TXLNB: variants seen among roughly 807,000 people sequenced by gnomAD.
TXLNB encodes taxilin beta.
In TXLNB, 37 loss-of-function variants were observed where a neutral mutation model predicts 57.4. The observed-to-expected ratio is 0.64, with a 90% confidence interval of 0.50 to 0.85. TXLNB has a LOEUF of 0.85. Ranked by LOEUF, TXLNB falls within the 40% of genes least tolerant of loss-of-function variation. The pLI is 0.00. For missense variants in TXLNB, 848 were observed against 825.6 expected, an observed-to-expected ratio of 1.03 and a Z score of -0.33; for synonymous variants, 302 against 309.6, an observed-to-expected ratio of 0.98 and a Z score of 0.26.
chr6:139,321,789 G>A, the TXLNB span, among the ~76,000 whole-genome samples: 2 of 151,198 alleles, frequency 1.3e-5, no homozygotes, highest in Non-Finnish European at 2.9e-5. Context: ...CCACCACCAC[G>A]CCTGGCTAAT....
At chr6:139,292,760 A>T (rs1187985559), upstream of TXLNB, among the ~76,000 whole-genome samples, 1 of 152,138 alleles carries the variant, frequency 6.6e-6, no homozygotes, top group African/African-American at 2.4e-5. The surrounding 1 kb of genome is among the most constrained non-coding windows in gnomAD (Gnocchi z 4.0). Context: ...ATGCTCCTTG[A>T]TCCTCCTCAG....
chr6:139,200,387 T>C, the TXLNB span, among the ~76,000 whole-genome samples: 1 of 152,128 alleles, frequency 6.6e-6, no homozygotes, highest in Non-Finnish European at 1.5e-5. Flanking sequence ...AGAGTACCCA[T>C]AGGGTGAGAG....
At chr6:139,303,674 T>G in the TXLNB span, among the ~76,000 whole-genome samples, 5 of 151,536 alleles carry the variant, frequency 3.3e-5, no homozygotes, top group Non-Finnish European at 7.4e-5. Context: ...AGTATTCTTA[T>G]ATAAGAGAGA....
At chr6:139,300,547 G>A in the TXLNB span, among the ~76,000 whole-genome samples, 2 of 152,014 alleles carry the variant, frequency 1.3e-5, no homozygotes, top group South Asian at 2.1e-4. Flanking sequence ...TCTGCCTTTC[G>A]AAAGGCTTTC....
chr6:139,245,927 A>C (rs916874396), intron 8 of TXLNB, among the ~76,000 whole-genome samples: 1 of 152,134 alleles, frequency 6.6e-6, no homozygotes. Flanking sequence ...TCCTGACCTC[A>C]AGTGATCCAC....
the TXLNB span, among the ~76,000 whole-genome samples, chr6:139,321,672 C>T: frequency 2.3e-5 from 3 of 129,212 alleles, no homozygotes; most frequent in East Asian, 2.2e-4. Flanking sequence ...GAGTCTGTTG[C>T]CCAGGCTGGA....
chr6:139,257,202 T>A (rs1399773223), intron 6 of TXLNB, among the ~76,000 whole-genome samples: 1 of 152,188 alleles, frequency 6.6e-6, no homozygotes, highest in Non-Finnish European at 1.5e-5. Flanking sequence ...GGCTTGTGTG[T>A]GTGTGTGTTT....
the TXLNB span, among the ~76,000 whole-genome samples, chr6:139,225,948 T>G: frequency 6.6e-6 from 1 of 152,160 alleles, no homozygotes; most frequent in African/African-American, 2.4e-5. Flanking sequence ...TAATTAAAAT[T>G]ATGTGGTATT....
the TXLNB span, among the ~76,000 whole-genome samples, chr6:139,188,169 T>C: frequency 6.6e-6 from 1 of 152,152 alleles, no homozygotes; most frequent in African/African-American, 2.4e-5. Context: ...TTGCAGATCC[T>C]GTGTCATGGA....
chr6:139,233,865 T>G, the TXLNB span, among the ~76,000 whole-genome samples: 9 of 151,908 alleles, frequency 5.9e-5, no homozygotes, highest in Non-Finnish European at 1.0e-4. Context: ...CAGGCAGAGG[T>G]TGAAACAGTT....
At chr6:139,247,731 C>G (rs1776100752) in intron 8 of TXLNB, 86 bp downstream of exon 8, 3 of 925,566 alleles carry the variant, frequency 3.2e-6, no homozygotes, top group Non-Finnish European at 5.0e-6. Context: ...ACCAAAATAT[C>G]TTAGTGAGAG....
chr6:139,280,189 T>C (rs1172680055), intron 2 of TXLNB, among the ~76,000 whole-genome samples: 1 of 139,792 alleles, frequency 7.2e-6, no homozygotes, highest in Non-Finnish European at 1.5e-5. Flanking sequence ...GAGGCAGAAA[T>C]TGCAGTGAGC....
the TXLNB span, among the ~76,000 whole-genome samples, chr6:139,303,130 G>C: frequency 0.062 from 9,488 of 152,156 alleles, 363 homozygotes; most frequent in Admixed American, 0.086. Context: ...TAGTGTCATT[G>C]GTAATTAACT....
intron 2 of TXLNB, among the ~76,000 whole-genome samples, chr6:139,283,364 GT>G (rs1777099318): frequency 1.4e-5 from 2 of 143,918 alleles, no homozygotes; most frequent in South Asian, 4.7e-4. Flanking sequence ...ATCACCTGAG[GT>G]CGGGAGTTCA....
chr6:139,230,760 T>C, the TXLNB span, among the ~76,000 whole-genome samples: 3 of 152,218 alleles, frequency 2.0e-5, no homozygotes, highest in East Asian at 5.8e-4. Context: ...TGCCTGTTTG[T>C]TCAGAAGCCA....
At chr6:139,302,609 C>CCA in the TXLNB span, among the ~76,000 whole-genome samples, 11 of 118,128 alleles carry the variant, frequency 9.3e-5, 1 homozygote, top group Non-Finnish European at 1.8e-4. Context: ...ACTAAAAATA[C>CCA]AAAAAAAAAA....
the TXLNB span, among the ~76,000 whole-genome samples, chr6:139,316,509 C>G: frequency 6.6e-6 from 1 of 152,022 alleles, no homozygotes; most frequent in Non-Finnish European, 1.5e-5. Context: ...GCTATAAATT[C>G]CCACTTGCCC....
downstream of TXLNB, among the ~76,000 whole-genome samples, chr6:139,235,425 CT>C (rs1562266222): frequency 6.6e-6 from 1 of 152,126 alleles, no homozygotes; most frequent in Non-Finnish European, 1.5e-5. Context: ...CTTTGGGGGA[CT>C]GTTGGGAAGG....
the TXLNB span, among the ~76,000 whole-genome samples, chr6:139,184,793 T>C: frequency 6.6e-5 from 10 of 152,206 alleles, no homozygotes; most frequent in Non-Finnish European, 1.2e-4. Flanking sequence ...TGTTAGAAGC[T>C]CTGGTATCCC....
Sources: allele counts gnomAD v4.1 joint callset (sites outside exome capture counted in the v4.1 genomes callset), GRCh38; gene constraint gnomAD v4.1.1; non-coding constraint Gnocchi (gnomAD v3.1); transcripts MANE v1.5; gene names NCBI Gene and HGNC (gene_info 2026-07-23, HGNC 2026-07-21).